SORL1: variants seen among roughly 807,000 people sequenced by gnomAD.
SORL1 encodes sortilin related receptor 1, also known as sortilin-related receptor.
SORL1 carries 127 observed loss-of-function variants against 273.7 expected under a neutral mutation model. That is an observed-to-expected ratio of 0.46 (90% CI 0.40 to 0.54). The LOEUF (loss-of-function observed/expected upper bound fraction) is 0.54, where lower values mean the gene tolerates loss of function less well. SORL1 is among the 20% of genes least tolerant of loss of function. The pLI, the probability that SORL1 is intolerant of heterozygous loss-of-function variation, is 0.00. For missense variants in SORL1, 2,494 were observed against 2,846.1 expected, an observed-to-expected ratio of 0.88 and a Z score of 2.81; for synonymous variants, 1,031 against 1,067.4, an observed-to-expected ratio of 0.97 and a Z score of 0.66.
At chr11:121,561,556 G>T (rs548774652) in intron 21 of SORL1, among the ~76,000 whole-genome samples, 1 of 152,116 alleles carries the variant, frequency 6.6e-6, no homozygotes, top group Non-Finnish European at 1.5e-5. Context: ...GGGCATAGTG[G>T]CACATGCCTG....
chr11:121,517,297 T>G (rs1861969794), intron 8 of SORL1, among the ~76,000 whole-genome samples: 1 of 152,182 alleles, frequency 6.6e-6, no homozygotes, highest in South Asian at 2.1e-4. Context: ...GATTTTTCCC[T>G]ATTTTACAGG....
chr11:121,538,275 C>A (rs887571215), intron 12 of SORL1, among the ~76,000 whole-genome samples: 5 of 151,316 alleles, frequency 3.3e-5, no homozygotes, highest in African/African-American at 1.2e-4. Flanking sequence ...GGGTGCATGT[C>A]AAGATGTAGA....
intron 26 of SORL1, among the ~76,000 whole-genome samples, chr11:121,585,049 T>A (rs1447585370): frequency 1.3e-5 from 2 of 152,222 alleles, no homozygotes; most frequent in African/African-American, 2.4e-5. Context: ...CTAGGCAAAC[T>A]TTCTCCAAAA....
chr11:121,466,754 A>T (rs1861088104), intron 1 of SORL1, among the ~76,000 whole-genome samples: 1 of 151,988 alleles, frequency 6.6e-6, no homozygotes, highest in African/African-American at 2.4e-5. Context: ...ATCAGCTGTG[A>T]CTCACCAGGG....
intron 11 of SORL1, among the ~76,000 whole-genome samples, chr11:121,529,487 G>A (rs1862171227): frequency 6.6e-6 from 1 of 152,142 alleles, no homozygotes; most frequent in Non-Finnish European, 1.5e-5. Flanking sequence ...AAAGTGCTGG[G>A]GTTACAGGTG....
intron 11 of SORL1, among the ~76,000 whole-genome samples, chr11:121,525,255 A>G (rs1212053564): frequency 6.6e-6 from 1 of 152,220 alleles, no homozygotes; most frequent in Non-Finnish European, 1.5e-5. Flanking sequence ...TCTGTCACAC[A>G]TCACGATGAT....
intron 38 of SORL1, 185 bp from the exon 39 acceptor site, chr11:121,610,891 T>A: frequency 1.8e-6 from 1 of 543,510 alleles, no homozygotes; most frequent in Non-Finnish European, 3.3e-6. Context: ...ACCAAGCAAC[T>A]GTGGACCAAC....
rs573544381 is a variant in SORL1, at chr11:121,555,332, C to T, written c.2571+14C>T. On this transcript the variant is annotated intron_variant, in intron 18 of 47. Coordinates refer to ENST00000260197, the MANE Select transcript of SORL1 (RefSeq NM_003105.6). The stretch of plus-strand genomic sequence containing the variant: ...AAAAAGATTGAGGTATGTGTATTTT[C>T]GTGCTGTTCTTAATTAAGGGAGCAG... 7 of 1,612,738 alleles carry T rather than the reference C, an allele frequency of 4.3e-6. No homozygotes were observed. Among genetic ancestry groups the T allele is most frequent in the East Asian group, 4.5e-5 (2 of 44,832 alleles).
At chr11:121,517,189 T>G (rs1861967703) in intron 8 of SORL1, among the ~76,000 whole-genome samples, 1 of 152,226 alleles carries the variant, frequency 6.6e-6, no homozygotes, top group South Asian at 2.1e-4. Flanking sequence ...GGCCTTCTCA[T>G]TTCTCCAAAA....
chr11:121,507,136 T>C (rs979344714), intron 6 of SORL1, among the ~76,000 whole-genome samples: 4 of 152,238 alleles, frequency 2.6e-5, no homozygotes, highest in Admixed American at 2.0e-4. Context: ...CTTTATACTC[T>C]TTAAGCCCAT....
At chr11:121,535,254 A>G (rs1341333033) in intron 12 of SORL1, among the ~76,000 whole-genome samples, 1 of 152,246 alleles carries the variant, frequency 6.6e-6, no homozygotes, top group East Asian at 1.9e-4. Context: ...GTAGTACCCA[A>G]GAGACACCAG....
intron 10 of SORL1, 77 bp downstream of exon 10, chr11:121,522,780 C>A: frequency 7.3e-7 from 1 of 1,371,040 alleles, no homozygotes; most frequent in Non-Finnish European, 1.0e-6. Context: ...CGATCACCCA[C>A]ACCTCCAGCA....
intron 37 of SORL1, among the ~76,000 whole-genome samples, chr11:121,607,744 G>T (rs181011714): frequency 3.0e-4 from 45 of 152,290 alleles, no homozygotes; most frequent in African/African-American, 1.0e-3. Flanking sequence ...AGACCATTAA[G>T]TGTGCACATT....
chr11:121,629,554 G>A lies in SORL1; in HGVS notation c.6636G>A (p.Val2212=). 1 of 1,536,488 alleles carries A rather than the reference G, an allele frequency of 6.5e-7. No homozygotes were observed. The highest frequency in any genetic ancestry group is 2.2e-5 in the East Asian group (1 of 44,552). Residue 2212 remains valine (V), a synonymous_variant, in exon 48 of 48, where the codon GTG becomes GTA. Transcript: ENST00000260197. ...ITGFSDDVPM[V]IA Reference sequence around the variant, plus strand: ...GATTTTCAGATGACGTCCCCATGGTGATAGCCTGAAAGAGCTTTCCTCACT... The same window carrying A: ...GATTTTCAGATGACGTCCCCATGGTAATAGCCTGAAAGAGCTTTCCTCACT...
At chr11:121,619,971 G>T in intron 43 of SORL1, 54 bp downstream of exon 43, 1 of 1,428,898 alleles carries the variant, frequency 7.0e-7, no homozygotes. Context: ...TGGTTAGGGT[G>T]GGGTGGGATG....
chr11:121,503,295 A>G (rs1297149049), intron 6 of SORL1, among the ~76,000 whole-genome samples: 1 of 151,732 alleles, frequency 6.6e-6, no homozygotes, highest in African/African-American at 2.4e-5. Flanking sequence ...TTTAAGAGTT[A>G]TGTAGTTTTA....
intron 1 of SORL1, among the ~76,000 whole-genome samples, chr11:121,456,381 T>G (rs982706717): frequency 5.3e-5 from 8 of 152,202 alleles, no homozygotes; most frequent in Admixed American, 1.3e-4. Context: ...TGGGAGGCCC[T>G]TAATGAGTAT....
At chr11:121,505,646 T>A (rs902100588) in intron 6 of SORL1, among the ~76,000 whole-genome samples, 2 of 152,138 alleles carry the variant, frequency 1.3e-5, no homozygotes, top group African/African-American at 2.4e-5. Context: ...TATGTTTTCA[T>A]TTTCATTCAT....
intron 32 of SORL1, among the ~76,000 whole-genome samples, chr11:121,599,767 CTT>C (rs557045915): frequency 6.8e-6 from 1 of 146,610 alleles, no homozygotes; most frequent in Admixed American, 6.8e-5. Flanking sequence ...CTGCTGTGTA[CTT>C]TTTTTTTTTT....
Sources: gnomAD v4.1 joint callset for allele counts (sites outside exome capture counted in the v4.1 genomes callset) on GRCh38, gnomAD v4.1.1 for gene constraint, MANE v1.5 for transcripts, NCBI Gene and HGNC (gene_info 2026-07-23, HGNC 2026-07-21) for gene names.